Variants in PTPRN2 observed in about 807,000 individuals in gnomAD.
PTPRN2 encodes the protein protein tyrosine phosphatase receptor type N2, also known as receptor-type tyrosine-protein phosphatase N2.
Under a neutral mutation model 118.8 loss-of-function variants are expected in PTPRN2, and 74 were observed. The ratio of observed to expected loss-of-function variants is 0.62; its 90% confidence interval spans 0.52 to 0.76. The LOEUF is 0.76. Ranked by LOEUF, PTPRN2 falls within the 30% of genes least tolerant of loss-of-function variation. The pLI, the probability that PTPRN2 is intolerant of heterozygous loss-of-function variation, is 0.00. For synonymous variants in PTPRN2, 641 were observed against 608.0 expected (o/e 1.05, Z -0.80); for missense variants, 1,481 against 1,394.4 (o/e 1.06, Z -0.99).
intron 11 of PTPRN2, among the ~76,000 whole-genome samples, chr7:157,957,613 G>T (rs1003900954): frequency 6.6e-6 from 1 of 152,028 alleles, no homozygotes; most frequent in African/African-American, 2.4e-5. Flanking sequence ...AAGTGAGTGT[G>T]ATGAGCATTT....
intron 21 of PTPRN2, among the ~76,000 whole-genome samples, chr7:157,551,750 C>A (rs1798631255): frequency 1.4e-5 from 2 of 142,554 alleles, no homozygotes; most frequent in African/African-American, 2.6e-5. Flanking sequence ...ACAGCCACCA[C>A]ACAACCCACA....
chr7:157,660,144 A>G (rs1177128537), intron 13 of PTPRN2, among the ~76,000 whole-genome samples: 1 of 152,182 alleles, frequency 6.6e-6, no homozygotes, highest in African/African-American at 2.4e-5. Context: ...TCTTCACACA[A>G]TTTCTCCAGA....
chr7:158,087,423 C>T (rs377552431), intron 10 of PTPRN2, among the ~76,000 whole-genome samples: 6 of 152,188 alleles, frequency 3.9e-5, no homozygotes, highest in Admixed American at 2.0e-4. Context: ...TGGTAAGAAG[C>T]GTCTGATGCA....
chr7:157,544,883 T>G (rs973479013), intron 22 of PTPRN2, among the ~76,000 whole-genome samples: 3 of 151,098 alleles, frequency 2.0e-5, no homozygotes, highest in African/African-American at 2.4e-5. Flanking sequence ...GCATCGTGTG[T>G]GGGTGTGTAG....
chr7:158,238,417 A>C (rs6963236), intron 3 of PTPRN2, among the ~76,000 whole-genome samples: 1 of 151,992 alleles, frequency 6.6e-6, no homozygotes. Context: ...CACAGGAAGG[A>C]AGGAAGCCAC....
Position 158,125,058 on chromosome 7 carries a change from G to C in PTPRN2, c.1556+8619C>G, listed in dbSNP as rs535945859. On this transcript the variant is annotated intron_variant, in intron 9 of 22. Transcript: ENST00000389418. ...GGAGCCATAGGAGGGGAGACAGCTG[G>C]CCATGGAGGGAGCCGGGTGGGGCAC... 1.4e-3 allele frequency among the ~76,000 whole-genome samples: 216 copies of C among 152,292 alleles called. 1 individual carries two copies. Among genetic ancestry groups the C allele is most frequent in the African/African-American group, 4.6e-3 (190 of 41,552 alleles).
Position 157,617,300 on chromosome 7 carries a change from C to T in PTPRN2, c.2344+4062G>A, listed in dbSNP as rs572158180. ...TAGGACGCCGTTCACGCAGCTGCAGCGCAGAGCACGGGGGACGCTGGCTCA... is the reference window on the plus strand; with the variant it reads ...TAGGACGCCGTTCACGCAGCTGCAGTGCAGAGCACGGGGGACGCTGGCTCA... On this transcript the variant is annotated intron_variant, in intron 15 of 22. Transcript: ENST00000389418. The surrounding 1 kb of genome is among the most constrained non-coding windows in gnomAD (Gnocchi z 7.5). The T allele has an allele frequency of 4.7e-5, 7 of 150,002 alleles. No individual in the cohort carries two copies. Among genetic ancestry groups the T allele is most frequent in the South Asian group, 2.1e-4 (1 of 4,704 alleles). 9.3% of individuals were successfully genotyped at this position (150,002 alleles called of 1,614,324 possible). A position where few individuals can be genotyped will look rare whatever the true frequency, so the allele number is the denominator to read the frequency against.
intron 3 of PTPRN2, among the ~76,000 whole-genome samples, chr7:158,277,424 G>A (rs1001739776): frequency 5.9e-5 from 9 of 152,180 alleles, no homozygotes; most frequent in African/African-American, 1.7e-4. Context: ...ATGGAGACAC[G>A]GACGTTTGTA....
In PTPRN2 at chr7:157,582,887, C is replaced by G. The variant is rs577893533; in HGVS notation, c.2497-4747G>C. Among the ~76,000 whole-genome samples the G allele has an allele frequency of 2.0e-5, 3 of 148,070 alleles. No homozygotes were observed. In the Admixed American group the frequency reaches 2.0e-4, roughly 10 times the overall value. On this transcript the variant is annotated intron_variant, in intron 17 of 22. Coordinates refer to ENST00000389418, the MANE Select transcript of PTPRN2 (RefSeq NM_002847.5). ...AAAACTCCACCTCAAAAAAAAAAAA[C>G]AAAACAAAAAAAACAATAAAACCAG... is the stretch of plus-strand genomic sequence containing the variant.
chr7:158,094,043 G>A (rs1378063076), intron 10 of PTPRN2, among the ~76,000 whole-genome samples: 1 of 152,210 alleles, frequency 6.6e-6, no homozygotes, highest in Admixed American at 6.5e-5. Context: ...GCCAGGGAAT[G>A]TCTTGCCGCT....
At chr7:157,866,419 T>G (rs2151248463) in intron 12 of PTPRN2, among the ~76,000 whole-genome samples, 1 of 152,142 alleles carries the variant, frequency 6.6e-6, no homozygotes, top group South Asian at 2.1e-4. Flanking sequence ...TACATATGCA[T>G]GAGCACACAC....
rs1409916686 is a variant in PTPRN2 at position 157,585,028 on chromosome 7, G to C, written c.2497-6888C>G. ...GTGATGCCGTCCATGACCAGCTCATGGTGCACCTACCTGGCTTTTTTTTAG... is the reference window on the plus strand; with the variant it reads ...GTGATGCCGTCCATGACCAGCTCATCGTGCACCTACCTGGCTTTTTTTTAG... On this transcript the variant is annotated intron_variant, in intron 17 of 22. Coordinates refer to ENST00000389418, the MANE Select transcript of PTPRN2 (RefSeq NM_002847.5). The surrounding 1 kb of genome is among the most constrained non-coding windows in gnomAD (Gnocchi z 5.2). 1.3e-5 allele frequency among the ~76,000 whole-genome samples: 2 copies of C among 152,112 alleles called. No homozygotes were observed. Among genetic ancestry groups the C allele is most frequent in the Admixed American group, 6.5e-5 (1 of 15,276 alleles).
At chr7:158,467,115 G>T (rs1000338025) in intron 2 of PTPRN2, among the ~76,000 whole-genome samples, 1 of 152,194 alleles carries the variant, frequency 6.6e-6, no homozygotes, top group Admixed American at 6.5e-5. Flanking sequence ...TCTCACAGGT[G>T]TGAGAGGGTA....
chr7:157,921,700 C>T (rs1394630591), intron 11 of PTPRN2, among the ~76,000 whole-genome samples: 4 of 152,212 alleles, frequency 2.6e-5, no homozygotes, highest in East Asian at 1.9e-4. Context: ...CAGGGCATGG[C>T]GCAGTAAGAA....
intron 11 of PTPRN2, among the ~76,000 whole-genome samples, chr7:158,019,566 T>TA (rs1806712388): frequency 6.6e-6 from 1 of 152,240 alleles, no homozygotes. Context: ...ATCTTTCTTC[T>TA]AAAAAATTCA....
At chr7:157,811,753 C>T (rs543559487) in intron 12 of PTPRN2, among the ~76,000 whole-genome samples, 1 of 152,318 alleles carries the variant, frequency 6.6e-6, no homozygotes, top group African/African-American at 2.4e-5. Context: ...CTGTGACAGC[C>T]TCCCCTCATC....
intron 6 of PTPRN2, 55 bp downstream of exon 6, chr7:158,166,876 G>A (rs1325234308): frequency 2.6e-5 from 36 of 1,401,560 alleles, no homozygotes; most frequent in Non-Finnish European, 3.1e-5. Flanking sequence ...GTCACTGGGA[G>A]GGGCTGGACA....
At chr7:158,337,457 A>G (rs75021838) in intron 2 of PTPRN2, among the ~76,000 whole-genome samples, 182 of 95,574 alleles carry the variant, frequency 1.9e-3, no homozygotes, top group African/African-American at 4.4e-3. Flanking sequence ...GACGTCACTC[A>G]AACCCACACT....
At chr7:158,430,141 T>C (rs1372541907) in intron 2 of PTPRN2, among the ~76,000 whole-genome samples, 1 of 152,058 alleles carries the variant, frequency 6.6e-6, no homozygotes, top group Non-Finnish European at 1.5e-5. Context: ...CTCCTGACCT[T>C]GTGATCCACC....
Sources: gnomAD v4.1 joint callset for allele counts (sites outside exome capture counted in the v4.1 genomes callset) on GRCh38, gnomAD v4.1.1 for gene constraint, Gnocchi (gnomAD v3.1) non-coding constraint, MANE v1.5 for transcripts, NCBI Gene and HGNC (gene_info 2026-07-23, HGNC 2026-07-21) for gene names.